Variants in APOB observed in about 807,000 individuals in gnomAD.
The protein encoded by APOB is apolipoprotein B.
APOB carries 153 observed loss-of-function variants against 314.1 expected under a neutral mutation model. That is an observed-to-expected ratio of 0.49 (90% CI 0.43 to 0.56). The LOEUF (loss-of-function observed/expected upper bound fraction) is 0.56. Ranked by LOEUF, APOB falls within the 20% of genes least tolerant of loss-of-function variation. The probability of loss-of-function intolerance (pLI) is 0.00; values close to 1 mark genes in which losing one functional copy is unlikely to be tolerated. For missense variants in APOB, 5,430 were observed against 5,350.7 expected (o/e 1.01, Z -0.46); for synonymous variants, 2,087 against 2,036.4 (o/e 1.02, Z -0.67).
Position 21,035,674 on chromosome 2 carries a change from T to G in APOB, c.728A>C (p.Gln243Pro), listed in dbSNP as rs765507106. 1.2e-6 allele frequency: 2 copies of G among 1,613,974 alleles called. No individual in the cohort carries two copies. Residue 243 changes from glutamine to proline, a missense_variant, in exon 7 of 29, where the codon CAG (glutamine) becomes CCG (proline). Transcript: ENST00000233242. ...AGCGTCCAGTGTGTACTGACAGGACTGGCTGCTGCTGATCAGAGTTGACAA... is the reference window on the plus strand; with the variant it reads ...AGCGTCCAGTGTGTACTGACAGGACGGGCTGCTGCTGATCAGAGTTGACAA... The part of the protein sequence containing the change: ...RPLSTLISSS[Q>P]SCQYTLDAKR...
chr2:21,030,410 T>G (rs573056204), intron 10 of APOB, among the ~76,000 whole-genome samples: 10 of 152,180 alleles, frequency 6.6e-5, no homozygotes, highest in African/African-American at 2.2e-4. Flanking sequence ...TGCAGAAGAA[T>G]AAAACTGGAC....
Position 21,033,506 on chromosome 2 carries a change from ATCT to A in APOB, c.914_916del (p.Lys305del), listed in dbSNP as rs758584168. On this transcript the variant is annotated inframe_deletion, in exon 9 of 29. Coordinates refer to ENST00000233242, the MANE Select transcript of APOB (RefSeq NM_000384.3). ...TTTGGTGCTCTCAAATGCGAGGCCCATCTTCTTAGTACCTGGAAGATGGAAAGT... is the reference window on the plus strand; with the variant it reads ...TTTGGTGCTCTCAAATGCGAGGCCCATCTTAGTACCTGGAAGATGGAAAGT... The A allele has an allele frequency of 6.2e-7, 1 of 1,614,082 alleles. No individual in the cohort carries two copies. The highest frequency in any genetic ancestry group is 1.7e-5 in the Admixed American group (1 of 60,024).
At chr2:21,028,291 C>T (rs761181102) in intron 13 of APOB, 36 bp downstream of exon 13, 3 of 1,550,198 alleles carry the variant, frequency 1.9e-6, no homozygotes, top group Non-Finnish European at 2.7e-6. Context: ...AGCTCAGGGC[C>T]CTCAGTGGTA....
chr2:21,018,953 T>A (rs762920766), intron 20 of APOB, 39 bp downstream of exon 20: 2 of 1,613,702 alleles, frequency 1.2e-6, no homozygotes, highest in Non-Finnish European at 8.5e-7. Context: ...AACCTGAGAC[T>A]GCGAGCAGAG....
chr2:21,030,359 C>A (rs1040722521), intron 10 of APOB, among the ~76,000 whole-genome samples: 1 of 152,094 alleles, frequency 6.6e-6, no homozygotes, highest in Non-Finnish European at 1.5e-5. Flanking sequence ...GGAAAGGACA[C>A]CCTTTTCAAT....
At chr2:21,039,942 A>G (rs1196204645) in intron 4 of APOB, among the ~76,000 whole-genome samples, 1 of 152,176 alleles carries the variant, frequency 6.6e-6, no homozygotes, top group Admixed American at 6.5e-5. Context: ...ATGGGCAAGG[A>G]TGGTGATATG....
chr2:21,043,798 C>G, intron 1 of APOB, 66 bp downstream of exon 1: 1 of 1,525,712 alleles, frequency 6.6e-7, no homozygotes, highest in Non-Finnish European at 8.8e-7. Context: ...CAGGCTGCCC[C>G]GGCCAACCTC....
rs1158998891 is a variant in APOB at position 21,019,577 on chromosome 2, C to A, written c.2999+146G>T. 13 of 861,794 alleles carry A rather than the reference C, an allele frequency of 1.5e-5. No homozygotes were observed. The East Asian group carries it at 2.9e-4, about 19-fold the overall frequency. The allele number at this position is 861,794 out of a possible 1,614,324, so 53.4% of individuals were successfully genotyped here. A position where few individuals can be genotyped will look rare whatever the true frequency, so the allele number is the denominator to read the frequency against. On this transcript the variant is annotated intron_variant, in intron 19 of 28. Transcript: ENST00000233242. ...GACACCCAATGTGTTGGCCAGAGGA[C>A]CCTGCTTTAAATACCCAAAGATGGT...
chr2:21,002,584 C>T lies in APOB; in HGVS notation c.12838G>A (p.Ala4280Thr). ...RELLKDLSKE[A>T]QEVFKAIQSL... ...TGAATGGCTTTAAATACCTCTTGGG[C>T]TTCTTTTGATAAATCTTTCAACAGT... The change falls in exon 29 of 29, where the codon GCC becomes ACC. Residue 4280 changes from alanine to threonine, a missense_variant. By Grantham distance (58) the Ala-to-Thr change is moderately conservative. This residue lies in a region of APOB where 3,281 missense variants were observed against 3,171.0 expected (regional missense o/e 1.03). Coordinates refer to ENST00000233242, the MANE Select transcript of APOB (RefSeq NM_000384.3). The T allele has an allele frequency of 1.2e-6, 2 of 1,614,050 alleles. No homozygotes were observed. The highest frequency in any genetic ancestry group is 2.2e-5 in the East Asian group (1 of 44,878).
At chr2:21,032,658 G>A in intron 9 of APOB, 77 bp from the exon 10 acceptor site, 2 of 1,150,302 alleles carry the variant, frequency 1.7e-6, no homozygotes, top group Admixed American at 3.9e-5. Flanking sequence ...TGTGTCCTCT[G>A]CCAGGAGAGC....
chr2:21,033,347 C>G lies in APOB; in HGVS notation c.1076G>C (p.Ser359Thr), dbSNP rs1156947034. Residue 359 changes from serine to threonine, a missense_variant, in exon 9 of 29, where the codon AGT becomes ACT. Transcript: ENST00000233242. ...NKLVTELRGL[S>T]DEAVTSLLPQ... is the part of the protein sequence containing the mutation. ...CAAGAGAGATGTGACTGCTTCATCACTGAGGCCTCTCAGCTCAGTAACCAG... is the reference window on the plus strand; with the variant it reads ...CAAGAGAGATGTGACTGCTTCATCAGTGAGGCCTCTCAGCTCAGTAACCAG... 1.7e-5 allele frequency: 27 copies of G among 1,614,098 alleles called. No individual in the cohort carries two copies. Among genetic ancestry groups the G allele is most frequent in the Non-Finnish European group, 2.2e-5 (26 of 1,180,048 alleles).
chr2:21,003,884 G>A (rs1434376999), intron 28 of APOB, among the ~76,000 whole-genome samples: 1 of 152,124 alleles, frequency 6.6e-6, no homozygotes, highest in Non-Finnish European at 1.5e-5. Flanking sequence ...GGAATTTGAT[G>A]TATCTCATCT....
At chr2:21,034,478 C>G (rs1400817316) in intron 8 of APOB, among the ~76,000 whole-genome samples, 1 of 152,228 alleles carries the variant, frequency 6.6e-6, no homozygotes, top group Non-Finnish European at 1.5e-5. Context: ...TGGCCAGACT[C>G]TGAAGGTTCT....
intron 4 of APOB, among the ~76,000 whole-genome samples, chr2:21,039,964 C>T (rs1003035857): frequency 1.3e-5 from 2 of 152,184 alleles, no homozygotes; most frequent in African/African-American, 2.4e-5. Flanking sequence ...TTTGGCTCTG[C>T]GTCCCCACCC....
Position 21,006,825 on chromosome 2 carries a change from A to G in APOB, c.10043T>C (p.Ile3348Thr). ...AAGTTCAGCATTGGTATTCAGTGTG[A>G]TGACACTTGATTTAAAGGAGAAATC... Reference protein sequence around the residue: ...TYDFSFKSSVITLNTNAELFN... With the variant: ...TYDFSFKSSVTTLNTNAELFN... The change falls in exon 26 of 29, where the codon ATC (isoleucine) becomes ACC (threonine). Residue 3348 changes from isoleucine to threonine, a missense_variant. Ile to Thr is a moderately conservative substitution (Grantham distance 89). Coordinates refer to ENST00000233242, the MANE Select transcript of APOB (RefSeq NM_000384.3). 6.2e-7 allele frequency: 1 copy of G among 1,614,106 alleles called. No homozygotes were observed. The highest frequency in any genetic ancestry group is 1.1e-5 in the South Asian group (1 of 91,086).
intron 3 of APOB, 49 bp downstream of exon 3, chr2:21,042,312 T>C (rs369518032): frequency 8.8e-6 from 13 of 1,473,358 alleles, no homozygotes; most frequent in African/African-American, 1.4e-5. Context: ...GGAACAGGGC[T>C]GGGGGAAAGC....
intron 24 of APOB, 125 bp from the exon 25 acceptor site, chr2:21,013,658 G>T (rs1184392097): frequency 2.2e-6 from 3 of 1,348,034 alleles, no homozygotes; most frequent in Non-Finnish European, 3.2e-6. Flanking sequence ...ACTTTTCTTT[G>T]TGCTACTCCT....
In APOB at chr2:21,013,381, G is replaced by A. The variant is rs1273422008; in HGVS notation, c.3995C>T (p.Ser1332Phe). The stretch of plus-strand genomic sequence containing the variant: ...AAAAGTAGGGACTTGGAACTCTCGA[G>A]ATGGCAGATGGAATCCCACAGACTT... ...HFKSVGFHLPSREFQVPTFTI... is the reference protein window; with the variant it reads ...HFKSVGFHLPFREFQVPTFTI... The change falls in exon 25 of 29, where the codon TCT becomes TTT. Residue 1332 changes from serine to phenylalanine, a missense_variant. Physicochemically the swap from Ser to Phe is radical, Grantham distance 155. Transcript: ENST00000233242. 1 of 1,614,210 alleles carries A rather than the reference G, an allele frequency of 6.2e-7. No homozygotes were observed. The highest frequency in any genetic ancestry group is 8.5e-7 in the Non-Finnish European group (1 of 1,180,046).
chr2:21,038,389 T>C (rs986354951), intron 4 of APOB, among the ~76,000 whole-genome samples: 7 of 151,904 alleles, frequency 4.6e-5, no homozygotes, highest in African/African-American at 1.7e-4. Context: ...CGGGCTGGAG[T>C]GCAATGGCGC....
Sources: allele counts gnomAD v4.1 joint callset (sites outside exome capture counted in the v4.1 genomes callset), GRCh38; gene constraint gnomAD v4.1.1; regional missense constraint gnomAD v4.1.1; transcripts MANE v1.5; gene names NCBI Gene and HGNC (gene_info 2026-07-23, HGNC 2026-07-21).